Variants in MACROD2 observed in about 807,000 individuals in gnomAD.
MACROD2 encodes mono-ADP ribosylhydrolase 2, also known as ADP-ribose glycohydrolase MACROD2.
MACROD2 carries 36 observed loss-of-function variants against 70.4 expected under a neutral mutation model. The ratio of observed to expected loss-of-function variants is 0.51; its 90% CI spans 0.39 to 0.68. MACROD2 has a LOEUF of 0.68. Among genes scored for constraint, MACROD2 ranks in the 30% least tolerant of loss-of-function variants. The pLI is 0.00. For synonymous variants in MACROD2, 172 were observed against 178.8 expected, an observed-to-expected ratio of 0.96 and a Z score of 0.30; for missense variants, 496 against 538.4, an observed-to-expected ratio of 0.92 and a Z score of 0.78.
chr20:14,403,076 T>C lies in MACROD2; in HGVS notation c.272-90403T>C, dbSNP rs79053733. On this transcript the variant is annotated intron_variant, in intron 3 of 17. Coordinates refer to ENST00000684519, the MANE Select transcript of MACROD2 (RefSeq NM_001351661.2). ...AACTCACAAGATATTTTAAAAATTA[T>C]GTTTGATATTGGGATATTAAAGAAA... Among the ~76,000 whole-genome samples, 263 of 152,322 alleles carry C rather than the reference T, an allele frequency of 1.7e-3. 4 individuals are homozygous for C. In the East Asian group the frequency reaches 0.049, roughly 28 times the overall value.
At chr20:15,882,626 G>T (rs964002384) in intron 9 of MACROD2, among the ~76,000 whole-genome samples, 1 of 151,954 alleles carries the variant, frequency 6.6e-6, no homozygotes, top group African/African-American at 2.4e-5. Flanking sequence ...GTGAGGGGAA[G>T]GTCCCTCATA....
intron 5 of MACROD2, among the ~76,000 whole-genome samples, chr20:15,214,681 G>C (rs1434876244): frequency 6.6e-6 from 1 of 152,184 alleles, no homozygotes; most frequent in Non-Finnish European, 1.5e-5. Flanking sequence ...TAATTTGGTT[G>C]TTTAGGATTT....
intron 10 of MACROD2, among the ~76,000 whole-genome samples, chr20:15,904,366 A>G (rs2147250854): frequency 6.6e-6 from 1 of 152,148 alleles, no homozygotes; most frequent in Middle Eastern, 3.4e-3. Context: ...ACAAAGAAAA[A>G]TCTCCTAAAT....
intron 8 of MACROD2, among the ~76,000 whole-genome samples, chr20:15,615,702 C>G (rs1035012966): frequency 4.6e-5 from 7 of 152,130 alleles, no homozygotes; most frequent in African/African-American, 1.7e-4. Flanking sequence ...TGCTCTTTCC[C>G]AATTCCACTT....
At chr20:15,423,941 T>A (rs1187609626) in intron 6 of MACROD2, among the ~76,000 whole-genome samples, 1 of 152,140 alleles carries the variant, frequency 6.6e-6, no homozygotes, top group Admixed American at 6.5e-5. Context: ...CATAGTCAGA[T>A]TATGGTGAGA....
chr20:15,304,953 C>T (rs891041376), intron 6 of MACROD2, among the ~76,000 whole-genome samples: 1 of 152,196 alleles, frequency 6.6e-6, no homozygotes, highest in Middle Eastern at 3.2e-3. Context: ...TCTGAGTGCT[C>T]GTTTGCTTAC....
chr20:14,511,995 A>G (rs1374497189), intron 4 of MACROD2, among the ~76,000 whole-genome samples: 1 of 152,022 alleles, frequency 6.6e-6, no homozygotes, highest in Non-Finnish European at 1.5e-5. Context: ...TTTCAGTTGG[A>G]TTTGAAATGA....
At chr20:14,557,502 A>G (rs1979113908) in intron 4 of MACROD2, among the ~76,000 whole-genome samples, 1 of 152,002 alleles carries the variant, frequency 6.6e-6, no homozygotes, top group East Asian at 1.9e-4. Context: ...TCCAAAATAC[A>G]TAAAGTACTC....
intron 5 of MACROD2, among the ~76,000 whole-genome samples, chr20:14,936,957 A>G (rs1035687093): frequency 1.3e-5 from 2 of 152,220 alleles, no homozygotes; most frequent in Non-Finnish European, 2.9e-5. Context: ...GAAAATAAAC[A>G]AAAGAAAAAG....
chr20:14,135,131 G>A (rs1269556057), intron 3 of MACROD2, among the ~76,000 whole-genome samples: 9 of 152,024 alleles, frequency 5.9e-5, no homozygotes, highest in Non-Finnish European at 1.3e-4. Context: ...GAAACATAGG[G>A]ATTAGATTTG....
At chr20:14,789,561 C>A (rs530670222) in intron 5 of MACROD2, among the ~76,000 whole-genome samples, 2 of 142,782 alleles carry the variant, frequency 1.4e-5, no homozygotes, top group Non-Finnish European at 3.0e-5. Flanking sequence ...CTGCAACCTC[C>A]GCCTCCCAGG....
Position 15,986,766 on chromosome 20 carries a change from A to G in MACROD2, c.1025A>G (p.Glu342Gly). Residue 342 changes from glutamate (E) to glycine (G), a missense_variant, in exon 14 of 18, where the codon GAA (glutamate) becomes GGA (glycine). Physicochemically the swap from Glu to Gly is moderately conservative, Grantham distance 98 (BLOSUM62 -2). Coordinates refer to ENST00000684519, the MANE Select transcript of MACROD2 (RefSeq NM_001351661.2). Reference protein sequence around the residue: ...NDSTKNEIKIETESQSSYMET... With the variant: ...NDSTKNEIKIGTESQSSYMET... Reference sequence around the variant, plus strand: ...TCAACGAAGAATGAAATAAAAATTGAAACAGAATCGCAGAGCTCATATATG... The same window carrying G: ...TCAACGAAGAATGAAATAAAAATTGGAACAGAATCGCAGAGCTCATATATG... 6.2e-7 allele frequency: 1 copy of G among 1,613,468 alleles called. No homozygotes were observed.
At chr20:14,329,115 C>A (rs1437263755) in intron 3 of MACROD2, 1 of 152,174 alleles carries the variant, frequency 6.6e-6, no homozygotes, top group African/African-American at 2.4e-5. Context: ...ACAGTAGCTA[C>A]ATCCTGAGGT....
At chr20:15,324,203 AG>A (rs1393556328) in intron 6 of MACROD2, among the ~76,000 whole-genome samples, 1 of 152,130 alleles carries the variant, frequency 6.6e-6, no homozygotes, top group Non-Finnish European at 1.5e-5. Context: ...CAATTTAAAA[AG>A]GGTTCAATTT....
At chr20:14,476,016 T>C (rs569398413) in intron 3 of MACROD2, among the ~76,000 whole-genome samples, 2 of 152,258 alleles carry the variant, frequency 1.3e-5, no homozygotes, top group South Asian at 4.2e-4. Context: ...TAAATGAATA[T>C]TTAGAAAATA....
intron 5 of MACROD2, among the ~76,000 whole-genome samples, chr20:15,191,819 T>C (rs1177283038): frequency 6.6e-6 from 1 of 152,124 alleles, no homozygotes; most frequent in East Asian, 1.9e-4. Context: ...GGTAGGGATA[T>C]CTTCATTTTG....
chr20:15,506,726 A>C (rs1486756963), intron 8 of MACROD2, among the ~76,000 whole-genome samples: 1 of 152,216 alleles, frequency 6.6e-6, no homozygotes, highest in African/African-American at 2.4e-5. Flanking sequence ...TTTCGAAACA[A>C]GCTCCAAATT....
intron 4 of MACROD2, among the ~76,000 whole-genome samples, chr20:14,682,720 A>G (rs1425949901): frequency 6.6e-6 from 1 of 152,112 alleles, no homozygotes; most frequent in African/African-American, 2.4e-5. Flanking sequence ...AGTAGATCCA[A>G]GTTTTCACTA....
chr20:14,717,996 G>A (rs543656288), intron 5 of MACROD2, among the ~76,000 whole-genome samples: 15 of 151,846 alleles, frequency 9.9e-5, no homozygotes, highest in South Asian at 4.2e-4. Flanking sequence ...ACACACACAC[G>A]TCTGTGAATG....
Sources: gnomAD v4.1 joint callset for allele counts (sites outside exome capture counted in the v4.1 genomes callset) on GRCh38, gnomAD v4.1.1 for gene constraint, MANE v1.5 for transcripts, NCBI Gene and HGNC (gene_info 2026-07-23, HGNC 2026-07-21) for gene names.